MMP26: variants seen among roughly 807,000 people sequenced by gnomAD.
MMP26 encodes the protein matrix metalloproteinase-26.
In MMP26, 33 loss-of-function variants were observed where a neutral mutation model predicts 31.0. That is an observed-to-expected ratio of 1.06 (90% CI 0.81 to 1.42). MMP26 has a LOEUF of 1.42. Among genes scored for constraint, MMP26 ranks in the 40% most tolerant of loss-of-function variants. The pLI, the probability that MMP26 is intolerant of heterozygous loss-of-function variation, is 0.00. For missense variants in MMP26, 347 were observed against 316.1 expected, an observed-to-expected ratio of 1.10 and a Z score of -0.74; for synonymous variants, 122 against 114.9, an observed-to-expected ratio of 1.06 and a Z score of -0.40.
chr11:4,856,065 G>A (rs189543721), intron 2 of MMP26, among the ~76,000 whole-genome samples: 114 of 152,264 alleles, frequency 7.5e-4, no homozygotes, highest in African/African-American at 2.6e-3. Context: ...AAGAGCTCAC[G>A]AAGGAAGCAC....
rs532675502 is a variant in MMP26 at position 4,927,354 on chromosome 11, C to T, written c.-144-60714C>T. Among the ~76,000 whole-genome samples the T allele has an allele frequency of 3.3e-5, 5 of 152,276 alleles. No homozygotes were observed. In the East Asian group the frequency reaches 9.7e-4, roughly 29 times the overall value. ...ATTTAAGGTGAGGAAGGTAGAAAAA[C>T]TAGTGCTTTGAATGAAGAGAAAAGA... On this transcript the variant is annotated intron_variant, in intron 2 of 7. Transcript: ENST00000380390.
At chr11:4,759,637 T>C (rs1187729582) in intron 1 of MMP26, among the ~76,000 whole-genome samples, 2 of 152,246 alleles carry the variant, frequency 1.3e-5, no homozygotes. Context: ...AAACTGGCCT[T>C]ATTCCTCATT....
intron 1 of MMP26, among the ~76,000 whole-genome samples, chr11:4,757,563 A>G (rs1393772215): frequency 6.8e-6 from 1 of 147,752 alleles, no homozygotes; most frequent in Admixed American, 6.7e-5. Context: ...AAATATTTGC[A>G]TAAAAAACTC....
chr11:4,882,240 C>A, intron 2 of MMP26: 1 of 1,613,956 alleles, frequency 6.2e-7, no homozygotes, highest in Non-Finnish European at 8.5e-7. Flanking sequence ...TTGCTGGAGT[C>A]CTCGGTGCTG....
chr11:4,832,919 T>G (rs1338729381), intron 2 of MMP26: 1 of 189,102 alleles, frequency 5.3e-6, no homozygotes, highest in African/African-American at 2.3e-5. Context: ...CTACCATGCG[T>G]CGCTTTGCTA....
At chr11:4,933,255 T>C (rs1192703607) in intron 2 of MMP26, among the ~76,000 whole-genome samples, 1 of 152,078 alleles carries the variant, frequency 6.6e-6, no homozygotes, top group Non-Finnish European at 1.5e-5. Flanking sequence ...GTTCACTCAT[T>C]TATTTATTCA....
intron 2 of MMP26, chr11:4,821,854 A>C: frequency 6.2e-7 from 1 of 1,613,742 alleles, no homozygotes; most frequent in Non-Finnish European, 8.5e-7. Context: ...CCGAATTGCC[A>C]AGATTGGGAT....
chr11:4,737,888 C>T (rs1020476651), intron 1 of MMP26, among the ~76,000 whole-genome samples: 7 of 152,184 alleles, frequency 4.6e-5, no homozygotes, highest in African/African-American at 1.7e-4. Flanking sequence ...AACTCTACTG[C>T]ATGGTGCAAT....
At chr11:4,917,460 G>A (rs1316255054) in intron 2 of MMP26, among the ~76,000 whole-genome samples, 1 of 152,152 alleles carries the variant, frequency 6.6e-6, no homozygotes, top group Non-Finnish European at 1.5e-5. Context: ...TAAAAGCATT[G>A]CTGATTCTTT....
At chr11:4,973,024 C>T (rs1257242128) in intron 2 of MMP26, 1 of 153,896 alleles carries the variant, frequency 6.5e-6, no homozygotes, top group Non-Finnish European at 1.5e-5. Context: ...TGGGGTTCAT[C>T]AATGGAGGCA....
intron 1 of MMP26, among the ~76,000 whole-genome samples, chr11:4,751,441 T>G (rs891657115): frequency 3.9e-5 from 6 of 152,134 alleles, no homozygotes; most frequent in African/African-American, 1.2e-4. Flanking sequence ...AGATGAGCCT[T>G]GAAACCTAAG....
intron 2 of MMP26, chr11:4,942,709 A>G (rs1262594629): frequency 6.6e-6 from 1 of 152,152 alleles, no homozygotes; most frequent in Admixed American, 6.5e-5. Context: ...TGATCTCACA[A>G]ATAACAAAAG....
chr11:4,986,201 AT>A (rs957961501), intron 2 of MMP26, among the ~76,000 whole-genome samples: 15 of 151,868 alleles, frequency 9.9e-5, no homozygotes, highest in African/African-American at 2.9e-4. Context: ...TTTGAGTCTC[AT>A]TTTTTTTAAC....
At chr11:4,925,787 G>T (rs1851263497) in intron 2 of MMP26, among the ~76,000 whole-genome samples, 2 of 143,940 alleles carry the variant, frequency 1.4e-5, no homozygotes, top group Non-Finnish European at 3.1e-5. Context: ...AAAAAAAAAT[G>T]AAGTAGGACA....
At chr11:4,874,531 A>G (rs1850353766) in intron 2 of MMP26, among the ~76,000 whole-genome samples, 1 of 151,306 alleles carries the variant, frequency 6.6e-6, no homozygotes, top group African/African-American at 2.4e-5. Flanking sequence ...ATTTTTATGC[A>G]GAACTTTGCT....
chr11:4,739,943 G>A (rs187852004), intron 1 of MMP26, among the ~76,000 whole-genome samples: 111 of 152,196 alleles, frequency 7.3e-4, no homozygotes, highest in Admixed American at 1.7e-3. Context: ...ACAACAATAA[G>A]CTTGTGGGCA....
chr11:4,735,579 A>G (rs1216310146), intron 1 of MMP26, among the ~76,000 whole-genome samples: 2 of 152,146 alleles, frequency 1.3e-5, no homozygotes, highest in Admixed American at 6.5e-5. Flanking sequence ...ATATCCTAAC[A>G]TATTACATAG....
chr11:4,956,872 A>G (rs1846451203), intron 2 of MMP26, among the ~76,000 whole-genome samples: 1 of 152,260 alleles, frequency 6.6e-6, no homozygotes, highest in Non-Finnish European at 1.5e-5. Flanking sequence ...CACAATAATG[A>G]CCAATATTTC....
chr11:4,874,165 G>A (rs1031284559), intron 2 of MMP26, among the ~76,000 whole-genome samples: 3 of 152,064 alleles, frequency 2.0e-5, no homozygotes, highest in Admixed American at 6.6e-5. Flanking sequence ...CAGTTCAGTA[G>A]CACTAGTCAC....
Sources: gnomAD v4.1 joint callset for allele counts (sites outside exome capture counted in the v4.1 genomes callset) on GRCh38, gnomAD v4.1.1 for gene constraint, MANE v1.5 for transcripts, NCBI Gene and HGNC (gene_info 2026-07-23, HGNC 2026-07-21) for gene names.